Variants in CRYBG3 observed in about 807,000 individuals in gnomAD.
The protein encoded by CRYBG3 is very large A-kinase anchor protein.
CRYBG3 carries 127 observed loss-of-function variants against 244.2 expected under a neutral mutation model. The observed-to-expected ratio is 0.52, with a 90% CI of 0.45 to 0.60. The LOEUF (loss-of-function observed/expected upper bound fraction) is 0.60. Ranked by LOEUF, CRYBG3 falls within the 20% of genes least tolerant of loss-of-function variation. The pLI is 0.00. For missense variants in CRYBG3, 3,325 were observed against 3,442.5 expected, an observed-to-expected ratio of 0.97 and a Z score of 0.85; for synonymous variants, 1,132 against 1,195.8, an observed-to-expected ratio of 0.95 and a Z score of 1.10.
chr3:97,848,508 A>G (rs900394287), intron 2 of CRYBG3, among the ~76,000 whole-genome samples: 8 of 152,182 alleles, frequency 5.3e-5, no homozygotes, highest in South Asian at 2.1e-4. Flanking sequence ...TCACCGTGTT[A>G]GCCAGGATGG....
At position 97,899,255 on chromosome 3, in the gene CRYBG3, A is replaced by G. The variant is rs540896825; in HGVS notation, c.7963A>G (p.Ile2655Val). 2.2e-5 allele frequency: 35 copies of G among 1,612,240 alleles called. No individual in the cohort carries two copies. In the Admixed American group the frequency reaches 2.8e-4, roughly 13 times the overall value. Residue 2655 changes from isoleucine to valine, a missense_variant, in exon 14 of 22, where the codon ATC becomes GTC. This residue lies in a region of CRYBG3 where 714 missense variants were observed against 803.6 expected (regional missense o/e 0.89). Transcript: ENST00000389622. ...SNNIIMSIRPIQLEPLGINEP... is the reference protein window; with the variant it reads ...SNNIIMSIRPVQLEPLGINEP... ...TAATATAATCATGTCGATACGGCCAATCCAACTGGTGAGTGAAGTATGAAC... is the reference window on the plus strand; with the variant it reads ...TAATATAATCATGTCGATACGGCCAGTCCAACTGGTGAGTGAAGTATGAAC...
chr3:97,910,737 G>A (rs963816968), intron 15 of CRYBG3, among the ~76,000 whole-genome samples: 2 of 152,190 alleles, frequency 1.3e-5, no homozygotes, highest in Non-Finnish European at 2.9e-5. Context: ...GCTGTAGACC[G>A]GAGCTGTTCC....
chr3:97,845,338 T>C (rs1442128428), intron 2 of CRYBG3, among the ~76,000 whole-genome samples: 2 of 152,198 alleles, frequency 1.3e-5, no homozygotes, highest in Non-Finnish European at 2.9e-5. Context: ...TTTAAACAAT[T>C]AGAGATTATA....
At position 97,851,928 on chromosome 3, in the gene CRYBG3, C is replaced by T. The variant is rs552551413; in HGVS notation, c.216+8667C>T. The stretch of plus-strand genomic sequence containing the variant: ...CCACCGATAACACTATTCTAGGGGG[C>T]GCAGTTATGGTGATGGTGTCCTGAT... On this transcript the variant is annotated intron_variant, in intron 2 of 21. Coordinates refer to ENST00000389622, the MANE Select transcript of CRYBG3 (RefSeq NM_153605.4). Among the ~76,000 whole-genome samples, 5 of 152,146 alleles carry T rather than the reference C, an allele frequency of 3.3e-5. No individual in the cohort carries two copies. The South Asian group carries it at 6.3e-4, about 19-fold the overall frequency.
chr3:97,912,082 T>G (rs912037012), intron 15 of CRYBG3, 85 bp from the exon 16 acceptor site: 2 of 587,858 alleles, frequency 3.4e-6, no homozygotes, highest in African/African-American at 3.9e-5. Context: ...ATTTTATAAA[T>G]TCATGAAATT....
rs891827901 is a variant in CRYBG3, at chr3:97,874,666, G to T, written c.3472G>T (p.Ala1158Ser). The T allele has an allele frequency of 1.3e-6, 2 of 1,535,970 alleles. No homozygotes were observed. Among genetic ancestry groups the T allele is most frequent in the Admixed American group, 2.0e-5 (1 of 50,980 alleles). Residue 1158 changes from alanine (A) to serine (S), a missense_variant, in exon 4 of 22, where the codon GCT becomes TCT. Ala to Ser is a moderately conservative substitution (Grantham distance 99, BLOSUM62 1). Coordinates refer to ENST00000389622, the MANE Select transcript of CRYBG3 (RefSeq NM_153605.4). ...NLVEAETGAVAGPAASVNSSG... is the reference protein window; with the variant it reads ...NLVEAETGAVSGPAASVNSSG... ...CGTGGAAGCAGAGACTGGAGCAGTTGCTGGGCCTGCAGCGTCAGTTAACAG... is the reference window on the plus strand; with the variant it reads ...CGTGGAAGCAGAGACTGGAGCAGTTTCTGGGCCTGCAGCGTCAGTTAACAG...
chr3:97,933,481 A>G (rs1252562590), intron 17 of CRYBG3: 2 of 631,728 alleles, frequency 3.2e-6, no homozygotes, highest in East Asian at 3.0e-5. Flanking sequence ...TGCTTTTCTG[A>G]TAACTTGAAT....
intron 2 of CRYBG3, among the ~76,000 whole-genome samples, chr3:97,845,053 C>A (rs1181454758): frequency 6.6e-6 from 1 of 152,126 alleles, no homozygotes; most frequent in African/African-American, 2.4e-5. Flanking sequence ...GGTAGGATTT[C>A]TTCAACCTAG....
At chr3:97,867,617 A>C (rs901219969) in intron 3 of CRYBG3, among the ~76,000 whole-genome samples, 2 of 152,208 alleles carry the variant, frequency 1.3e-5, no homozygotes, top group South Asian at 2.1e-4. Context: ...ATGTATGCCT[A>C]CTTCCTTAAA....
intron 3 of CRYBG3, among the ~76,000 whole-genome samples, chr3:97,864,949 T>G (rs1012017772): frequency 1.6e-4 from 25 of 152,192 alleles, no homozygotes; most frequent in Admixed American, 9.8e-4. Flanking sequence ...GTATTCAATA[T>G]GTGCATTTTC....
At chr3:97,844,869 A>G (rs1299434034) in intron 2 of CRYBG3, among the ~76,000 whole-genome samples, 4 of 152,206 alleles carry the variant, frequency 2.6e-5, no homozygotes, top group Non-Finnish European at 4.4e-5. Context: ...TAAGCCCCTA[A>G]GTAAATACCA....
rs577544691 is a variant in CRYBG3, at chr3:97,942,811, G to A, written c.8824+368G>A. On this transcript the variant is annotated intron_variant, in intron 21 of 21. Coordinates refer to ENST00000389622, the MANE Select transcript of CRYBG3 (RefSeq NM_153605.4). Reference sequence around the variant, plus strand: ...TAAAAACCCTCAGGTAGAATTTATGGTAGGTATCAATTAACCTTGTTTTTG... The same window carrying A: ...TAAAAACCCTCAGGTAGAATTTATGATAGGTATCAATTAACCTTGTTTTTG... The A allele has an allele frequency of 1.4e-5, 3 of 215,574 alleles. No individual in the cohort carries two copies. In the Admixed American group the frequency reaches 1.7e-4, roughly 12 times the overall value. 13.4% of individuals were successfully genotyped at this position (215,574 alleles called of 1,614,324 possible). A position where few individuals can be genotyped will look rare whatever the true frequency, so the allele number is the denominator to read the frequency against.
chr3:97,936,683 C>CCTTT, intron 18 of CRYBG3, 102 bp from the exon 19 acceptor site: 3 of 1,223,260 alleles, frequency 2.5e-6, no homozygotes, highest in Non-Finnish European at 3.4e-6. Flanking sequence ...AGTCTGCAAA[C>CCTTT]CTAGAAGTTT....
intron 17 of CRYBG3, among the ~76,000 whole-genome samples, chr3:97,921,824 G>A (rs1450909961): frequency 6.6e-6 from 1 of 152,138 alleles, no homozygotes; most frequent in Non-Finnish European, 1.5e-5. Flanking sequence ...AGTGTGTAGG[G>A]TAACCTATTT....
intron 1 of CRYBG3, among the ~76,000 whole-genome samples, chr3:97,823,217 C>T (rs774849059): frequency 1.6e-4 from 25 of 152,162 alleles, no homozygotes; most frequent in Non-Finnish European, 3.4e-4. Context: ...AAGTAAAACG[C>T]AGCTCGCTTT....
chr3:97,886,833 A>G (rs831902), intron 8 of CRYBG3, 66 bp downstream of exon 8: 659,165 of 1,312,476 alleles, frequency 0.5, 170,058 homozygotes, highest in East Asian at 0.72. Flanking sequence ...AATAGATGAC[A>G]TACATTTTTC....
At chr3:97,942,483 T>C (rs1435642587) in intron 21 of CRYBG3, 40 bp downstream of exon 21, 5 of 1,524,818 alleles carry the variant, frequency 3.3e-6, no homozygotes, top group Non-Finnish European at 4.4e-6. Context: ...TCCCTGGATA[T>C]TAGTTTCAGT....
At chr3:97,882,076 GT>G (rs2108224919) in intron 7 of CRYBG3, among the ~76,000 whole-genome samples, 1 of 152,090 alleles carries the variant, frequency 6.6e-6, no homozygotes, top group South Asian at 2.1e-4. Flanking sequence ...AGATGTCATG[GT>G]GGGCAGCTGT....
intron 11 of CRYBG3, among the ~76,000 whole-genome samples, chr3:97,895,097 A>T (rs538841376): frequency 3.9e-5 from 6 of 152,262 alleles, no homozygotes; most frequent in African/African-American, 1.4e-4. Context: ...TGAATTTCAA[A>T]TTTCCCAACC....
Sources: gnomAD v4.1 joint callset for allele counts (sites outside exome capture counted in the v4.1 genomes callset) on GRCh38, gnomAD v4.1.1 for gene constraint, gnomAD v4.1.1 regional missense constraint, MANE v1.5 for transcripts, NCBI Gene and HGNC (gene_info 2026-07-23, HGNC 2026-07-21) for gene names.